EXO1: variants seen among roughly 807,000 people sequenced by gnomAD.
EXO1 encodes the protein exonuclease 1.
In EXO1, 69 loss-of-function variants were observed where a neutral mutation model predicts 84.5. The observed-to-expected ratio is 0.82, with a 90% CI of 0.67 to 1.00. The LOEUF (loss-of-function observed/expected upper bound fraction) is 1.00. EXO1 is among the 50% of genes least tolerant of loss of function. The pLI is 0.00. For missense variants in EXO1, 1,045 were observed against 1,000.7 expected (o/e 1.04, Z -0.60); for synonymous variants, 373 against 366.1 (o/e 1.02, Z -0.21).
At chr1:241,869,736 TTCCCTCCCTCCC>T (rs1558135405) in intron 11 of EXO1, among the ~76,000 whole-genome samples, 3 of 140,104 alleles carry the variant, frequency 2.1e-5, no homozygotes, top group Admixed American at 1.5e-4. Context: ...CCTTCCTTCC[TTCCCTCCCTCCC>T]TCCTTCCTTC....
At chr1:241,876,130 T>C (rs1662389464) in intron 12 of EXO1, among the ~76,000 whole-genome samples, 1 of 152,206 alleles carries the variant, frequency 6.6e-6, no homozygotes, top group Non-Finnish European at 1.5e-5. Flanking sequence ...CGCTGCTTTA[T>C]GTAGTTTAGA....
At position 241,885,400 on chromosome 1, in the gene EXO1, G is replaced by C. The variant is rs964623202; in HGVS notation, c.2298G>C (p.Leu766=). Reference sequence around the variant, plus strand: ...TAGGACCTGCCAGAGCCAGTGGGCTGAGCAAGAAGCCGGCAAGCATCCAGA... The same window carrying C: ...TAGGACCTGCCAGAGCCAGTGGGCTCAGCAAGAAGCCGGCAAGCATCCAGA... ...KPLGPARASG[L]SKKPASIQKR... The change falls in exon 15 of 16, where the codon CTG becomes CTC. Residue 766 remains leucine (L), a synonymous_variant. Coordinates refer to ENST00000366548, the MANE Select transcript of EXO1 (RefSeq NM_130398.4). The C allele has an allele frequency of 6.2e-7, 1 of 1,613,872 alleles. No homozygotes were observed. The highest frequency in any genetic ancestry group is 1.3e-5 in the African/African-American group (1 of 75,018).
chr1:241,853,815 C>A lies in EXO1; in HGVS notation c.405+334C>A, dbSNP rs1471376939. Among the ~76,000 whole-genome samples the A allele has an allele frequency of 3.9e-5, 6 of 152,122 alleles. No individual in the cohort carries two copies. In the East Asian group the frequency reaches 5.8e-4, roughly 15 times the overall value. On this transcript the variant is annotated intron_variant, in intron 6 of 15. Transcript: ENST00000366548. ...GTCATTTGAGCTCAGGAATTTGAGA[C>A]CATCCCGGGTAACATAATGAGACCC...
intron 12 of EXO1, among the ~76,000 whole-genome samples, chr1:241,877,061 G>C (rs1662446011): frequency 6.6e-6 from 1 of 152,172 alleles, no homozygotes; most frequent in Admixed American, 6.5e-5. Context: ...TTAATTGAAT[G>C]CAACTAAAAG....
intron 15 of EXO1, among the ~76,000 whole-genome samples, chr1:241,886,813 C>T (rs796699575): frequency 1.2e-3 from 182 of 151,792 alleles, no homozygotes; most frequent in African/African-American, 4.3e-3. Context: ...TTCCAAATCC[C>T]CCCAAAAGGT....
intron 6 of EXO1, among the ~76,000 whole-genome samples, chr1:241,855,304 G>A (rs762119448): frequency 2.0e-5 from 3 of 152,132 alleles, no homozygotes; most frequent in Non-Finnish European, 4.4e-5. Context: ...TAGATACAGT[G>A]TCTACACAAA....
At chr1:241,888,077 A>T (rs1663165511) in intron 15 of EXO1, among the ~76,000 whole-genome samples, 1 of 152,198 alleles carries the variant, frequency 6.6e-6, no homozygotes, top group Admixed American at 6.5e-5. Context: ...AATATTAAAA[A>T]GTATACCAAA....
chr1:241,850,624 G>A (rs369324552), intron 4 of EXO1, 38 bp downstream of exon 4: 5 of 1,566,212 alleles, frequency 3.2e-6, no homozygotes, highest in Non-Finnish European at 4.4e-6. Flanking sequence ...TGACAATTAA[G>A]AATGAGACCT....
In EXO1 at chr1:241,889,905, G is replaced by A; in HGVS notation, c.*305G>A. 1 of 347,608 alleles carries A rather than the reference G, an allele frequency of 2.9e-6. No homozygotes were observed. Among genetic ancestry groups the A allele is most frequent in the East Asian group, 6.9e-5 (1 of 14,440 alleles). 21.5% of individuals were successfully genotyped at this position (347,608 alleles called of 1,614,324 possible). The stretch of plus-strand genomic sequence containing the variant: ...CTACTCTAAATATTTCTGTAATGTT[G>A]TCAAGTAGAAAGATAGTAAATGGAG... On this transcript the variant is annotated 3_prime_UTR_variant, in exon 16 of 16. Transcript: ENST00000366548.
chr1:241,865,259 T>A (rs1161520564), intron 10 of EXO1, among the ~76,000 whole-genome samples: 1 of 150,558 alleles, frequency 6.6e-6, no homozygotes, highest in Non-Finnish European at 1.5e-5. Context: ...TTGCCCAGGC[T>A]GGCACGCGGT....
At chr1:241,886,183 A>G (rs1663060890) in intron 15 of EXO1, among the ~76,000 whole-genome samples, 1 of 152,210 alleles carries the variant, frequency 6.6e-6, no homozygotes, top group Admixed American at 6.5e-5. Context: ...GGGTAGAAAC[A>G]CAGTGCAATA....
At position 241,861,409 on chromosome 1, in the gene EXO1, T is replaced by G. The variant is rs764120105; in HGVS notation, c.948T>G (p.Tyr316Ter). The G allele has an allele frequency of 1.4e-6, 2 of 1,435,114 alleles. No individual in the cohort carries two copies. Among genetic ancestry groups the G allele is most frequent in the African/African-American group, 1.4e-5 (1 of 71,544 alleles). The allele number at this position is 1,435,114 out of a possible 1,614,324, so 88.9% of individuals were successfully genotyped here. ...DPETLSYAGQ[Y>*]VDDSIALQIA... ...TTCCTTAATCTTGCTAATCTAGATA[T>G]GTTGATGATTCCATAGCTCTTCAAA... is the stretch of plus-strand genomic sequence containing the variant. Residue 316 changes from tyrosine (Y) to a stop codon, truncating the protein, a stop_gained, in exon 10 of 16, where the codon TAT becomes TAG. Coordinates refer to ENST00000366548, the MANE Select transcript of EXO1 (RefSeq NM_130398.4). LOFTEE classifies it high-confidence loss of function.
rs1662949093 is a variant in EXO1, at chr1:241,884,674, T to TCAC, written c.2212-640_2212-639insCAC. On this transcript the variant is annotated intron_variant, in intron 14 of 15. Transcript: ENST00000366548. ...GTGTGTGTGTGTGTGTGTGTGTGTGTGTGCACGTGCACGTAAGTCAGTGGA... is the reference window on the plus strand; with the variant it reads ...GTGTGTGTGTGTGTGTGTGTGTGTGTCACGTGCACGTGCACGTAAGTCAGTGGA... Among the ~76,000 whole-genome samples the TCAC allele has an allele frequency of 6.7e-4, 100 of 149,688 alleles. 1 individual carries two copies. The highest frequency in any genetic ancestry group is 2.2e-3 in the East Asian group (11 of 4,942).
chr1:241,866,951 C>G lies in EXO1; in HGVS notation c.1163C>G (p.Pro388Arg). 2 of 1,613,956 alleles carry G rather than the reference C, an allele frequency of 1.2e-6. No homozygotes were observed. The highest frequency in any genetic ancestry group is 1.7e-6 in the Non-Finnish European group (2 of 1,179,888). ...GAGTCGGGTACTGTTTCAGATGCCC[C>G]ACAATTGAAGGAAAATCCAAGTACT... The part of the protein sequence containing the change: ...RPESGTVSDA[P>R]QLKENPSTVG... The change falls in exon 11 of 16, where the codon CCA becomes CGA. Residue 388 changes from proline (P) to arginine (R), a missense_variant. Transcript: ENST00000366548.
In EXO1 at chr1:241,868,298, C is replaced by G. The variant is rs1233159874; in HGVS notation, c.1267+1243C>G. 2.6e-5 allele frequency among the ~76,000 whole-genome samples: 4 copies of G among 151,272 alleles called. No homozygotes were observed. The East Asian group carries it at 7.8e-4, about 29-fold the overall frequency. On this transcript the variant is annotated intron_variant, in intron 11 of 15. Transcript: ENST00000366548. ...GGCTGAGACAGGGGAATCACTTGAACCTGGAAGGCAGAGGTTGCAGTGAGC... is the reference window on the plus strand; with the variant it reads ...GGCTGAGACAGGGGAATCACTTGAAGCTGGAAGGCAGAGGTTGCAGTGAGC...
At chr1:241,864,313 G>C (rs183540405) in intron 10 of EXO1, among the ~76,000 whole-genome samples, 1 of 152,322 alleles carries the variant, frequency 6.6e-6, no homozygotes, top group East Asian at 1.9e-4. Context: ...TTGGCTGTCT[G>C]TATTTTGAAA....
At chr1:241,849,277 A>G (rs1660521903) in intron 3 of EXO1, 61 bp downstream of exon 3, 1 of 152,202 alleles carries the variant, frequency 6.6e-6, no homozygotes, top group South Asian at 2.1e-4. Flanking sequence ...TTAACGTTTG[A>G]TAGGAGAGAT....
chr1:241,849,342 T>A, intron 3 of EXO1, 126 bp downstream of exon 3: 1 of 152,132 alleles, frequency 6.6e-6, no homozygotes, highest in East Asian at 1.9e-4. Flanking sequence ...CTTTTTATTG[T>A]AGAGTGGGGG....
intron 3 of EXO1, 22 bp from the exon 4 acceptor site, chr1:241,850,387 T>A: frequency 6.8e-7 from 1 of 1,478,340 alleles, no homozygotes; most frequent in Non-Finnish European, 9.5e-7. Context: ...ATTACTGTTC[T>A]CCCTGTCTCT....
Sources: gnomAD v4.1 joint callset for allele counts (sites outside exome capture counted in the v4.1 genomes callset) on GRCh38, gnomAD v4.1.1 for gene constraint, MANE v1.5 for transcripts, NCBI Gene and HGNC (gene_info 2026-07-23, HGNC 2026-07-21) for gene names.